NRG1: variants seen among roughly 807,000 people sequenced by gnomAD.
NRG1 encodes pro-neuregulin-1, membrane-bound isoform.
A neutral mutation model predicts 63.8 loss-of-function variants in NRG1; 18 were observed. The ratio of observed to expected loss-of-function variants is 0.28; its 90% CI spans 0.19 to 0.42. The LOEUF is 0.42. Among genes scored for constraint, NRG1 ranks in the 10% least tolerant of loss-of-function variants. The pLI, the probability that NRG1 is intolerant of heterozygous loss-of-function variation, is 1.00. For missense variants in NRG1, 762 were observed against 814.7 expected (o/e 0.94, Z 0.79); for synonymous variants, 302 against 301.3 (o/e 1.00, Z -0.02).
intron 1 of NRG1, among the ~76,000 whole-genome samples, chr8:32,197,078 G>A (rs907521665): frequency 1.4e-5 from 2 of 146,886 alleles, no homozygotes; most frequent in African/African-American, 5.0e-5. Flanking sequence ...TCCTGCCTCA[G>A]CCTCCTGAGT....
intron 1 of NRG1, among the ~76,000 whole-genome samples, chr8:31,705,889 T>C (rs1563311927): frequency 6.6e-6 from 1 of 152,190 alleles, no homozygotes; most frequent in Non-Finnish European, 1.5e-5. Flanking sequence ...TTATGGTACT[T>C]TTATGAGCTT....
intron 1 of NRG1, among the ~76,000 whole-genome samples, chr8:32,294,059 C>T (rs1854550247): frequency 6.6e-6 from 1 of 152,012 alleles, no homozygotes; most frequent in Non-Finnish European, 1.5e-5. Flanking sequence ...GCTGGGGGAA[C>T]ACCCTCATGT....
intron 1 of NRG1, among the ~76,000 whole-genome samples, chr8:31,799,551 T>G (rs1265062772): frequency 6.6e-6 from 1 of 152,104 alleles, no homozygotes; most frequent in Non-Finnish European, 1.5e-5. Flanking sequence ...GGTATATTTC[T>G]TTCAGTTATA....
At chr8:32,052,715 GC>G (rs1453255138) in intron 1 of NRG1, among the ~76,000 whole-genome samples, 23 of 152,234 alleles carry the variant, frequency 1.5e-4, no homozygotes, top group Non-Finnish European at 2.5e-4. Flanking sequence ...TTGCTTTTGT[GC>G]ATGCAGAGTG....
intron 1 of NRG1, among the ~76,000 whole-genome samples, chr8:32,247,423 T>G (rs1347642805): frequency 6.6e-6 from 1 of 152,124 alleles, no homozygotes; most frequent in African/African-American, 2.4e-5. Flanking sequence ...CCGTGCAATT[T>G]GTAAATAGTA....
chr8:32,496,192 C>T (rs16879485), intron 1 of NRG1, among the ~76,000 whole-genome samples: 6,060 of 152,162 alleles, frequency 0.04, 413 homozygotes, highest in African/African-American at 0.14. Context: ...TTAGCTCTTC[C>T]CCTTAAGCAG....
At chr8:32,011,924 G>A (rs1371739145) in intron 1 of NRG1, among the ~76,000 whole-genome samples, 1 of 152,050 alleles carries the variant, frequency 6.6e-6, no homozygotes, top group Non-Finnish European at 1.5e-5. Flanking sequence ...AGCTAGAATC[G>A]CCACCTGTCA....
chr8:31,875,234 G>A (rs1829819328), intron 1 of NRG1, among the ~76,000 whole-genome samples: 1 of 152,114 alleles, frequency 6.6e-6, no homozygotes, highest in Non-Finnish European at 1.5e-5. Flanking sequence ...GGGACCCAAG[G>A]CATGCTTTGA....
At chr8:32,607,877 G>A (rs1387117555) in intron 3 of NRG1, among the ~76,000 whole-genome samples, 1 of 152,086 alleles carries the variant, frequency 6.6e-6, no homozygotes, top group Non-Finnish European at 1.5e-5. Flanking sequence ...ATGGACTTAT[G>A]TAATTAAAGC....
rs558119526 is a variant in NRG1, at chr8:31,998,022, C to T, written c.37+358591C>T. ...TATTGCCTCTTAAATAATCAAAGCC[C>T]GTAAAGATTTTATAAATGACTTTTC... is the stretch of plus-strand genomic sequence containing the variant. On this transcript the variant is annotated intron_variant, in intron 1 of 10. Coordinates refer to the NRG1 transcript ENST00000519301. Among the ~76,000 whole-genome samples, 14 of 152,032 alleles carry T rather than the reference C, an allele frequency of 9.2e-5. No homozygotes were observed. In the South Asian group the frequency reaches 2.3e-3, roughly 25 times the overall value.
chr8:31,882,314 T>A (rs904437745), intron 1 of NRG1, among the ~76,000 whole-genome samples: 2 of 141,238 alleles, frequency 1.4e-5, no homozygotes, highest in African/African-American at 2.7e-5. Context: ...CTGTTGAGAC[T>A]TACTGCTCAA....
chr8:31,641,617 T>C (rs1447853348), intron 1 of NRG1: 1 of 152,214 alleles, frequency 6.6e-6, no homozygotes, highest in Admixed American at 6.5e-5. Flanking sequence ...GTTTATGCCA[T>C]TCATAAACTA....
chr8:32,471,608 G>A (rs1325593487), intron 1 of NRG1, among the ~76,000 whole-genome samples: 1 of 151,882 alleles, frequency 6.6e-6, no homozygotes, highest in African/African-American at 2.4e-5. Context: ...ATTAAACAAA[G>A]CCTTACGTAT....
At chr8:32,524,096 G>A (rs556309925) in intron 1 of NRG1, among the ~76,000 whole-genome samples, 11 of 152,046 alleles carry the variant, frequency 7.2e-5, no homozygotes, top group Admixed American at 1.3e-4. Context: ...AGACCAGCCC[G>A]GGCAACATGG....
intron 1 of NRG1, among the ~76,000 whole-genome samples, chr8:32,449,186 A>G (rs1820658123): frequency 6.6e-6 from 1 of 152,002 alleles, no homozygotes; most frequent in African/African-American, 2.4e-5. Context: ...AGTCCCAGAT[A>G]CTCAGGAGGC....
At chr8:32,562,963 T>C (rs949077852) in intron 1 of NRG1, among the ~76,000 whole-genome samples, 4 of 152,204 alleles carry the variant, frequency 2.6e-5, no homozygotes, top group African/African-American at 9.7e-5. Flanking sequence ...GGCATTTTAT[T>C]AGATCAGTGG....
intron 1 of NRG1, among the ~76,000 whole-genome samples, chr8:31,900,265 TGGCGACC>T (rs1831962643): frequency 6.6e-6 from 1 of 152,134 alleles, no homozygotes; most frequent in Admixed American, 6.5e-5. Context: ...GATAAGATAC[TGGCGACC>T]ACACACAAAA....
chr8:32,589,630 G>C (rs1842179903), intron 1 of NRG1, among the ~76,000 whole-genome samples: 1 of 152,196 alleles, frequency 6.6e-6, no homozygotes, highest in African/African-American at 2.4e-5. Context: ...TGCATTGTCA[G>C]ATCCTTCAGA....
intron 1 of NRG1, among the ~76,000 whole-genome samples, chr8:32,259,086 A>G (rs983989326): frequency 6.6e-6 from 1 of 152,200 alleles, no homozygotes; most frequent in Non-Finnish European, 1.5e-5. Context: ...TCTCTCATGA[A>G]TCCGAATCCC....
Sources: allele counts gnomAD v4.1 joint callset (sites outside exome capture counted in the v4.1 genomes callset), GRCh38; gene constraint gnomAD v4.1.1; transcripts MANE v1.5; gene names NCBI Gene and HGNC (gene_info 2026-07-23, HGNC 2026-07-21).